The following TMEM132D variants were observed in gnomAD, a reference collection of about 807,000 sequenced individuals.
TMEM132D encodes transmembrane protein 132D, also known as mature OL transmembrane protein.
In TMEM132D, 21 loss-of-function variants were observed where a neutral mutation model predicts 62.3. The ratio of observed to expected loss-of-function variants is 0.34; its 90% confidence interval spans 0.24 to 0.49. The LOEUF (loss-of-function observed/expected upper bound fraction) is 0.49, where lower values mean the gene tolerates loss of function less well. Ranked by LOEUF, TMEM132D falls within the 20% of genes least tolerant of loss-of-function variation. The pLI, the probability that TMEM132D is intolerant of heterozygous loss-of-function variation, is 0.99. For missense variants in TMEM132D, 1,346 were observed against 1,402.8 expected (o/e 0.96, Z 0.65); for synonymous variants, 621 against 575.6 (o/e 1.08, Z -1.13).
At chr12:129,588,748 C>CT (rs869239504) in intron 2 of TMEM132D, among the ~76,000 whole-genome samples, 10 of 34,396 alleles carry the variant, frequency 2.9e-4, no homozygotes, top group Admixed American at 1.0e-3. Context: ...CTATTTTTTT[C>CT]TTTTTTTTTT....
chr12:129,530,815 T>C (rs1369112756), intron 3 of TMEM132D, among the ~76,000 whole-genome samples: 1 of 152,072 alleles, frequency 6.6e-6, no homozygotes, highest in Non-Finnish European at 1.5e-5. Flanking sequence ...TCCATCTGCA[T>C]GGTGCAGTCC....
At chr12:129,445,005 G>T (rs1429201128) in intron 3 of TMEM132D, among the ~76,000 whole-genome samples, 1 of 152,148 alleles carries the variant, frequency 6.6e-6, no homozygotes, top group Non-Finnish European at 1.5e-5. Context: ...AATGTAAATT[G>T]TTCTATTATA....
At chr12:129,777,923 C>T (rs987968406) in intron 1 of TMEM132D, among the ~76,000 whole-genome samples, 6 of 151,890 alleles carry the variant, frequency 4.0e-5, no homozygotes, top group Admixed American at 3.9e-4. Flanking sequence ...CACTTGAGCC[C>T]AGGAGTTCAA....
intron 1 of TMEM132D, among the ~76,000 whole-genome samples, chr12:129,814,600 A>G (rs12228424): frequency 1.5e-5 from 2 of 132,508 alleles, no homozygotes; most frequent in East Asian, 4.5e-4. Flanking sequence ...AACAAGAGCG[A>G]AACTCCCTCT....
intron 1 of TMEM132D, among the ~76,000 whole-genome samples, chr12:129,896,523 G>A (rs540726477): frequency 1.3e-5 from 2 of 152,122 alleles, no homozygotes; most frequent in East Asian, 1.9e-4. Context: ...TAGCTTTCCT[G>A]ACCAAAATGC....
chr12:129,760,208 A>T (rs2123072), intron 1 of TMEM132D, among the ~76,000 whole-genome samples: 92,192 of 151,668 alleles, frequency 0.61, 29,544 homozygotes, highest in Middle Eastern at 0.78. Context: ...TGCCCAGCCC[A>T]TCTCCTCTTT....
At chr12:129,593,436 C>T (rs998371650) in intron 2 of TMEM132D, among the ~76,000 whole-genome samples, 9 of 152,104 alleles carry the variant, frequency 5.9e-5, no homozygotes, top group Admixed American at 2.0e-4. Flanking sequence ...TTGGCTGGGT[C>T]CAAGTGTGTT....
intron 4 of TMEM132D, among the ~76,000 whole-genome samples, chr12:129,210,734 G>A (rs1212372885): frequency 6.6e-6 from 1 of 152,162 alleles, no homozygotes; most frequent in African/African-American, 2.4e-5. Context: ...TACAACGAAT[G>A]GTGTTAATGT....
chr12:129,415,294 G>A (rs1415967460), intron 3 of TMEM132D, among the ~76,000 whole-genome samples: 1 of 152,160 alleles, frequency 6.6e-6, no homozygotes, highest in Admixed American at 6.5e-5. Flanking sequence ...CAGCACCAGT[G>A]TACAAGGCTT....
intron 5 of TMEM132D, among the ~76,000 whole-genome samples, chr12:129,104,908 G>T (rs1875437977): frequency 6.8e-6 from 1 of 147,024 alleles, no homozygotes; most frequent in African/African-American, 2.7e-5. Flanking sequence ...TGCTGAAGAG[G>T]ATGTGGAGAA....
intron 1 of TMEM132D, among the ~76,000 whole-genome samples, chr12:129,861,692 T>A (rs921918608): frequency 6.8e-6 from 1 of 147,202 alleles, no homozygotes; most frequent in Non-Finnish European, 1.5e-5. Context: ...AATCAAAGGT[T>A]GCAATGAGCC....
At chr12:129,398,800 A>G (rs1405170179) in intron 3 of TMEM132D, among the ~76,000 whole-genome samples, 1 of 152,116 alleles carries the variant, frequency 6.6e-6, no homozygotes, top group East Asian at 1.9e-4. Flanking sequence ...CCTAAGGAGA[A>G]CACTTCTTAG....
intron 3 of TMEM132D, among the ~76,000 whole-genome samples, chr12:129,425,265 T>C (rs1322908684): frequency 6.6e-6 from 1 of 152,240 alleles, no homozygotes; most frequent in Admixed American, 6.5e-5. Flanking sequence ...TGCAGATATC[T>C]AGCACTTGAA....
chr12:129,700,249 G>T lies in TMEM132D; in HGVS notation c.529C>A (p.Arg177=), dbSNP rs780636176. 11 of 1,612,982 alleles carry T rather than the reference G, an allele frequency of 6.8e-6. No homozygotes were observed. Among genetic ancestry groups the T allele is most frequent in the Admixed American group, 5.0e-5 (3 of 59,994 alleles). The change falls in exon 2 of 9, where the codon CGA becomes AGA. Residue 177 remains arginine, a synonymous_variant. Transcript: ENST00000422113. ...CLRVFAFRET[R]EVRGSCRLQG... is the part of the protein sequence containing the mutation. ...AGCCGGCAGCTGCCCCGCACCTCTC[G>T]GGTCTCTCGGAAAGCAAAGACCCTC...
At chr12:129,093,857 C>G (rs78697495) in intron 5 of TMEM132D, among the ~76,000 whole-genome samples, 1 of 81,086 alleles carries the variant, frequency 1.2e-5, no homozygotes, top group Non-Finnish European at 2.2e-5. Flanking sequence ...TGGAACAGAA[C>G]AGAGCCCTCA....
intron 3 of TMEM132D, among the ~76,000 whole-genome samples, chr12:129,475,034 G>A (rs571172316): frequency 1.6e-4 from 25 of 152,166 alleles, no homozygotes; most frequent in Non-Finnish European, 3.2e-4. Flanking sequence ...AAGTCCTACC[G>A]AAGCTTGAAC....
At chr12:129,076,657 A>G (rs758330386) in intron 8 of TMEM132D, among the ~76,000 whole-genome samples, 3 of 152,206 alleles carry the variant, frequency 2.0e-5, no homozygotes, top group Non-Finnish European at 4.4e-5. Context: ...GGTTCTCTCA[A>G]TCGGCCATGA....
At chr12:129,689,558 C>G (rs1881013824) in intron 2 of TMEM132D, among the ~76,000 whole-genome samples, 1 of 152,292 alleles carries the variant, frequency 6.6e-6, no homozygotes, top group Admixed American at 6.5e-5. Context: ...ACATTTCACA[C>G]AACACTCCCT....
rs371472666 is a variant in TMEM132D at position 129,437,876 on chromosome 12, C to T, written c.1115+93183G>A. Among the ~76,000 whole-genome samples the T allele has an allele frequency of 3.5e-3, 529 of 151,188 alleles. 5 individuals carry two copies. Among genetic ancestry groups the T allele is most frequent in the African/African-American group, 0.012 (499 of 41,020 alleles). The stretch of plus-strand genomic sequence containing the variant: ...TCTACATTAGGTATTTCTCCTAATG[C>T]TATCCCTCCCCCAGCCCCCCTCCCC... On this transcript the variant is annotated intron_variant, in intron 3 of 8. Transcript: ENST00000422113.
Sources: allele counts gnomAD v4.1 joint callset (sites outside exome capture counted in the v4.1 genomes callset), GRCh38; gene constraint gnomAD v4.1.1; transcripts MANE v1.5; gene names NCBI Gene and HGNC (gene_info 2026-07-23, HGNC 2026-07-21).